Variants in ULK4 observed in about 807,000 individuals in gnomAD.
The protein encoded by ULK4 is inactive serine/threonine-protein kinase ULK4.
In ULK4, 133 loss-of-function variants were observed where a neutral mutation model predicts 160.6. That is an observed-to-expected ratio of 0.83 (90% CI 0.72 to 0.96). ULK4 has a LOEUF of 0.96. ULK4 is among the 40% of genes least tolerant of loss of function. The pLI, the probability that ULK4 is intolerant of heterozygous loss-of-function variation, is 0.00. For synonymous variants in ULK4, 534 were observed against 539.8 expected (o/e 0.99, Z 0.15); for missense variants, 1,580 against 1,499.5 (o/e 1.05, Z -0.89).
At chr3:41,878,228 G>A (rs1438319807) in intron 17 of ULK4, among the ~76,000 whole-genome samples, 4 of 152,066 alleles carry the variant, frequency 2.6e-5, no homozygotes, top group Non-Finnish European at 5.9e-5. Flanking sequence ...GCTCACTGCC[G>A]AGAAGCCAGC....
intron 22 of ULK4, among the ~76,000 whole-genome samples, chr3:41,747,199 A>G (rs562991026): frequency 1.3e-5 from 2 of 151,996 alleles, no homozygotes; most frequent in East Asian, 3.9e-4. Context: ...ATATCCTGTT[A>G]AGATAAGATG....
intron 35 of ULK4, among the ~76,000 whole-genome samples, chr3:41,300,467 A>G (rs2079761961): frequency 6.6e-6 from 1 of 152,204 alleles, no homozygotes; most frequent in Non-Finnish European, 1.5e-5. Context: ...AAGGGATAAC[A>G]ATAACTTGAA....
chr3:41,722,153 G>A (rs1169478457), intron 22 of ULK4, among the ~76,000 whole-genome samples: 1 of 152,134 alleles, frequency 6.6e-6, no homozygotes, highest in Non-Finnish European at 1.5e-5. Flanking sequence ...GGAAACGGTA[G>A]CTGCTATCAT....
chr3:41,495,012 A>C (rs2084934573), intron 32 of ULK4, among the ~76,000 whole-genome samples: 1 of 152,044 alleles, frequency 6.6e-6, no homozygotes, highest in South Asian at 2.1e-4. Context: ...TGCCCAAGGT[A>C]ATTTATAGAT....
intron 16 of ULK4, 57 bp from the exon 17 acceptor site, chr3:41,884,009 A>C: frequency 8.2e-7 from 1 of 1,225,296 alleles, no homozygotes; most frequent in African/African-American, 1.5e-5. Flanking sequence ...GAGGAAACTA[A>C]TCCCAGCTAG....
chr3:41,518,433 T>C (rs1384759863), intron 32 of ULK4, among the ~76,000 whole-genome samples: 1 of 152,218 alleles, frequency 6.6e-6, no homozygotes, highest in Non-Finnish European at 1.5e-5. Flanking sequence ...CTCTTGACAT[T>C]TGACTAAAAG....
intron 30 of ULK4, among the ~76,000 whole-genome samples, chr3:41,650,364 G>GCCCAGACCCAGA (rs2034689707): frequency 6.6e-6 from 1 of 152,172 alleles, no homozygotes; most frequent in African/African-American, 2.4e-5. Context: ...CCATCAAGGA[G>GCCCAGACCCAGA]CCCAGACCCA....
At chr3:41,829,365 C>T (rs1201343481) in intron 18 of ULK4, among the ~76,000 whole-genome samples, 1 of 146,134 alleles carries the variant, frequency 6.8e-6, no homozygotes, top group Non-Finnish European at 1.5e-5. Context: ...AGGCAACCTA[C>T]AGAATGGGAG....
At chr3:41,550,431 G>T (rs962960779) in intron 32 of ULK4, among the ~76,000 whole-genome samples, 2 of 115,026 alleles carry the variant, frequency 1.7e-5, no homozygotes, top group Non-Finnish European at 3.8e-5. Flanking sequence ...AAACTTAAAG[G>T]TATGGAAAAA....
At chr3:41,758,104 T>A (rs897012938) in intron 21 of ULK4, among the ~76,000 whole-genome samples, 1 of 152,044 alleles carries the variant, frequency 6.6e-6, no homozygotes, top group African/African-American at 2.4e-5. Flanking sequence ...CCTGAGTGAG[T>A]TTATTTACCC....
At chr3:41,449,323 A>G (rs989967829) in intron 34 of ULK4, among the ~76,000 whole-genome samples, 2 of 152,098 alleles carry the variant, frequency 1.3e-5, no homozygotes, top group African/African-American at 2.4e-5. Flanking sequence ...TTGGCCTTCT[A>G]AAGTAGGAAC....
chr3:41,480,024 G>T (rs1228997517), intron 32 of ULK4, among the ~76,000 whole-genome samples: 1 of 151,934 alleles, frequency 6.6e-6, no homozygotes, highest in Admixed American at 6.6e-5. Flanking sequence ...TGGCTAACAC[G>T]ATGAAACCTT....
intron 32 of ULK4, among the ~76,000 whole-genome samples, chr3:41,540,943 CAGAT>C (rs1171435409): frequency 6.6e-6 from 1 of 151,978 alleles, no homozygotes; most frequent in East Asian, 1.9e-4. Flanking sequence ...CTTTGTCAGA[CAGAT>C]AGAGTGCAAA....
intron 35 of ULK4, among the ~76,000 whole-genome samples, chr3:41,293,059 T>G (rs1315662895): frequency 1.3e-5 from 2 of 151,698 alleles, no homozygotes; most frequent in Non-Finnish European, 2.9e-5. Flanking sequence ...GAGGCAGAGG[T>G]TTTGGTGAGT....
At chr3:41,471,344 T>C (rs1349419515) in intron 32 of ULK4, among the ~76,000 whole-genome samples, 1 of 152,012 alleles carries the variant, frequency 6.6e-6, no homozygotes, top group African/African-American at 2.4e-5. Context: ...GCACCAAAAT[T>C]ATATAAAGCA....
intron 9 of ULK4, among the ~76,000 whole-genome samples, chr3:41,911,907 CT>C (rs2148803831): frequency 6.6e-6 from 1 of 152,188 alleles, no homozygotes; most frequent in South Asian, 2.1e-4. Context: ...AATCCCCGCA[CT>C]TTGGGAGGCC....
chr3:41,653,891 T>A (rs2034838430), intron 30 of ULK4, among the ~76,000 whole-genome samples: 1 of 152,280 alleles, frequency 6.6e-6, no homozygotes, highest in East Asian at 1.9e-4. Flanking sequence ...CTTTACTGAA[T>A]CCATAGTCAG....
At chr3:41,292,315 CAG>C (rs1389822913) in intron 35 of ULK4, among the ~76,000 whole-genome samples, 1 of 152,112 alleles carries the variant, frequency 6.6e-6, no homozygotes, top group Non-Finnish European at 1.5e-5. Flanking sequence ...ACTTAATAAA[CAG>C]AGGCTCAGAA....
At chr3:41,561,912 G>C (rs1167854153) in intron 32 of ULK4, among the ~76,000 whole-genome samples, 1 of 152,066 alleles carries the variant, frequency 6.6e-6, no homozygotes, top group Non-Finnish European at 1.5e-5. Context: ...GCTTTTGAAG[G>C]TGTTTGCTCT....
Sources: allele counts gnomAD v4.1 joint callset (sites outside exome capture counted in the v4.1 genomes callset), GRCh38; gene constraint gnomAD v4.1.1; transcripts MANE v1.5; gene names NCBI Gene and HGNC (gene_info 2026-07-23, HGNC 2026-07-21).